LRP2BP: variants seen among roughly 807,000 people sequenced by gnomAD.
LRP2BP encodes LRP2 binding protein.
LRP2BP carries 38 observed loss-of-function variants against 45.2 expected under a neutral mutation model. The observed-to-expected ratio is 0.84, with a 90% CI of 0.65 to 1.10. The LOEUF is 1.10. Ranked by LOEUF, LRP2BP falls within the 50% of genes least tolerant of loss-of-function variation. The pLI is 0.00. For missense variants in LRP2BP, 385 were observed against 418.9 expected, an observed-to-expected ratio of 0.92 and a Z score of 0.71; for synonymous variants, 153 against 153.9, an observed-to-expected ratio of 0.99 and a Z score of 0.04.
chr4:185,389,585 T>C (rs1340116513), intron 1 of LRP2BP, among the ~76,000 whole-genome samples: 1 of 146,758 alleles, frequency 6.8e-6, no homozygotes, highest in African/African-American at 2.5e-5. Context: ...ATATCTAGTA[T>C]TCTACATTTT....
chr4:185,384,182 G>A (rs989035843), intron 1 of LRP2BP, among the ~76,000 whole-genome samples: 1 of 152,146 alleles, frequency 6.6e-6, no homozygotes, highest in African/African-American at 2.4e-5. Context: ...TTAGGAAAGG[G>A]TTAGATGCAG....
chr4:185,371,513 G>A (rs1448939400), intron 7 of LRP2BP, among the ~76,000 whole-genome samples: 1 of 132,422 alleles, frequency 7.6e-6, no homozygotes, highest in African/African-American at 2.9e-5. Flanking sequence ...CTGCACTCCA[G>A]CCTGGGCAAC....
At chr4:185,370,966 T>C (rs1243828756) in intron 7 of LRP2BP, 152 bp from the exon 8 acceptor site, 2 of 707,674 alleles carry the variant, frequency 2.8e-6, no homozygotes, top group African/African-American at 3.6e-5. Context: ...AGGGTCCATG[T>C]AGGCACCTCA....
chr4:185,367,177 G>A lies in LRP2BP; in HGVS notation c.*3C>T. ...GATGATCTTTGTTGAAATACATTGT[G>A]GTCTAAATTCTTTGACGAATAAGTA... On this transcript the variant is annotated 3_prime_UTR_variant, in exon 9 of 9. Transcript: ENST00000505916. 6.2e-7 allele frequency: 1 copy of A among 1,609,476 alleles called. No individual in the cohort carries two copies. Among genetic ancestry groups the A allele is most frequent in the Admixed American group, 1.7e-5 (1 of 59,838 alleles).
intron 3 of LRP2BP, among the ~76,000 whole-genome samples, chr4:185,376,584 G>T (rs992500903): frequency 6.6e-6 from 1 of 151,632 alleles, no homozygotes; most frequent in Admixed American, 6.6e-5. Flanking sequence ...GTGAGCCACC[G>T]CACCCGGCCT....
chr4:185,395,543 AT>A lies in LRP2BP; in HGVS notation c.-787del. 1.0e-6 allele frequency: 1 copy of A among 983,828 alleles called. No individual in the cohort carries two copies. The highest frequency in any genetic ancestry group is 1.2e-6 in the Non-Finnish European group (1 of 828,566). The allele number at this position is 983,828 out of a possible 1,614,324, so 60.9% of individuals were successfully genotyped here. A position where few individuals can be genotyped will look rare whatever the true frequency, so the allele number is the denominator to read the frequency against. On this transcript the variant is annotated 5_prime_UTR_variant, in exon 1 of 9. Coordinates refer to ENST00000505916, the MANE Select transcript of LRP2BP (RefSeq NM_001377440.1). ...GCCGTTCTTTAAACATCATTAAAAG[AT>A]ATTGTGAATAGTTTAAATATTAAAA...
Position 185,394,963 on chromosome 4 carries a change from G to C in LRP2BP, c.-206C>G, listed in dbSNP as rs1400519490. The C allele has an allele frequency of 9.1e-6, 9 of 985,336 alleles. No individual in the cohort carries two copies. Among genetic ancestry groups the C allele is most frequent in the Non-Finnish European group, 1.1e-5 (9 of 829,954 alleles). The allele number at this position is 985,336 out of a possible 1,614,324, so 61.0% of individuals were successfully genotyped here. On this transcript the variant is annotated 5_prime_UTR_variant, in exon 1 of 9. Transcript: ENST00000505916. Reference sequence around the variant, plus strand: ...CTGCTACACGCCTGGTGAAACTCCAGTTACTTGCCAGTAAGATATTGTCCC... The same window carrying C: ...CTGCTACACGCCTGGTGAAACTCCACTTACTTGCCAGTAAGATATTGTCCC...
intron 3 of LRP2BP, 151 bp from the exon 4 acceptor site, chr4:185,375,877 C>T (rs2095435775): frequency 2.1e-6 from 1 of 485,840 alleles, no homozygotes; most frequent in Non-Finnish European, 3.7e-6. Context: ...GCTGAGGAAG[C>T]ATGCTCTCAG....
chr4:185,378,982 A>G (rs949316913), intron 1 of LRP2BP: 83 of 985,282 alleles, frequency 8.4e-5, no homozygotes, highest in Non-Finnish European at 9.9e-5. Flanking sequence ...CTGCATTTTT[A>G]TATCATTCCA....
At chr4:185,380,125 T>C (rs1479224620) in intron 1 of LRP2BP, among the ~76,000 whole-genome samples, 2 of 152,170 alleles carry the variant, frequency 1.3e-5, no homozygotes, top group East Asian at 3.9e-4. Context: ...GTCCAGGCAA[T>C]ACAATAAATA....
Position 185,366,233 on chromosome 4 carries a change from G to A in LRP2BP, c.*947C>T, listed in dbSNP as rs978367558. 3 of 152,034 alleles carry A rather than the reference G, an allele frequency of 2.0e-5. No homozygotes were observed. The highest frequency in any genetic ancestry group is 2.9e-5 in the Non-Finnish European group (2 of 68,014). The allele number at this position is 152,034 out of a possible 1,614,324, so 9.4% of individuals were successfully genotyped here. A position where few individuals can be genotyped will look rare whatever the true frequency, so the allele number is the denominator to read the frequency against. On this transcript the variant is annotated 3_prime_UTR_variant, in exon 9 of 9. Coordinates refer to ENST00000505916, the MANE Select transcript of LRP2BP (RefSeq NM_001377440.1). ...GCCTTCATAGATGTCATCTATATAC[G>A]GAAAGCCTTTTGCTAATTTTAACAA...
Position 185,370,636 on chromosome 4 carries a change from T to C in LRP2BP, c.978+4A>G. 1 of 1,612,880 alleles carries C rather than the reference T, an allele frequency of 6.2e-7. No homozygotes were observed. The highest frequency in any genetic ancestry group is 8.5e-7 in the Non-Finnish European group (1 of 1,179,006). ...GTGAATTTATATTTTGTTCTAAAGC[T>C]TACTTTAGAATAATAGTGTTTAGCG... is the stretch of plus-strand genomic sequence containing the variant. On this transcript the variant is annotated splice_donor_region_variant and intron_variant, in intron 8 of 8. Transcript: ENST00000505916.
chr4:185,394,923 G>C lies in LRP2BP; in HGVS notation c.-166C>G. 2.0e-6 allele frequency: 2 copies of C among 985,418 alleles called. No individual in the cohort carries two copies. The highest frequency in any genetic ancestry group is 2.4e-6 in the Non-Finnish European group (2 of 829,916). The allele number at this position is 985,418 out of a possible 1,614,324, so 61.0% of individuals were successfully genotyped here. On this transcript the variant is annotated 5_prime_UTR_variant, in exon 1 of 9. Transcript: ENST00000505916. The stretch of plus-strand genomic sequence containing the variant: ...GCATCTTAGATCATCTTCCGTTTTA[G>C]AAAATTGATCCCACCTGCTACACGC...
chr4:185,367,310 T>TC, intron 8 of LRP2BP, 65 bp from the exon 9 acceptor site: 1 of 1,404,890 alleles, frequency 7.1e-7, no homozygotes, highest in South Asian at 1.3e-5. Context: ...CTTCTTTTTT[T>TC]TTTTTTCTTT....
rs767018127 is a variant in LRP2BP at position 185,367,166 on chromosome 4, A to C, written c.*14T>G. On this transcript the variant is annotated 3_prime_UTR_variant, in exon 9 of 9. Coordinates refer to ENST00000505916, the MANE Select transcript of LRP2BP (RefSeq NM_001377440.1). The stretch of plus-strand genomic sequence containing the variant: ...GTGTTAGCATTGATGATCTTTGTTG[A>C]AATACATTGTGGTCTAAATTCTTTG... The C allele has an allele frequency of 6.2e-7, 1 of 1,606,162 alleles. No individual in the cohort carries two copies. The highest frequency in any genetic ancestry group is 2.2e-5 in the East Asian group (1 of 44,812).
chr4:185,375,505 T>TATATAC (rs2095433303), intron 4 of LRP2BP, 108 bp downstream of exon 4: 2 of 68,856 alleles, frequency 2.9e-5, no homozygotes, highest in Non-Finnish European at 4.8e-5. Flanking sequence ...TATATATATA[T>TATATAC]ATATATATAT....
At chr4:185,373,892 C>G (rs1409784051) in intron 6 of LRP2BP, among the ~76,000 whole-genome samples, 1 of 152,088 alleles carries the variant, frequency 6.6e-6, no homozygotes, top group Non-Finnish European at 1.5e-5. Flanking sequence ...TGTTTCTCTT[C>G]TTTTAGCTTT....
At chr4:185,395,986 G>C (rs984251563), upstream of LRP2BP, 2 of 857,244 alleles carry the variant, frequency 2.3e-6, no homozygotes, top group Non-Finnish European at 2.8e-6. Context: ...ACAAAAAGCA[G>C]TGACGCACGC....
rs908068151 is a variant in LRP2BP at position 185,365,218 on chromosome 4, A to G, written c.*1962T>C. 1.3e-5 allele frequency: 2 copies of G among 152,220 alleles called. No individual in the cohort carries two copies. Among genetic ancestry groups the G allele is most frequent in the Non-Finnish European group, 2.9e-5 (2 of 68,042 alleles). The allele number at this position is 152,220 out of a possible 1,614,324, so 9.4% of individuals were successfully genotyped here. A position where few individuals can be genotyped will look rare whatever the true frequency, so the allele number is the denominator to read the frequency against. ...ATTTTAAATTCTGCATTGGATTTAT[A>G]GAAGACATATAAGCATAGCATGTTA... On this transcript the variant is annotated 3_prime_UTR_variant, in exon 9 of 9. Coordinates refer to ENST00000505916, the MANE Select transcript of LRP2BP (RefSeq NM_001377440.1).
Sources: allele counts gnomAD v4.1 joint callset (sites outside exome capture counted in the v4.1 genomes callset), GRCh38; gene constraint gnomAD v4.1.1; transcripts MANE v1.5; gene names NCBI Gene and HGNC (gene_info 2026-07-23, HGNC 2026-07-21).